DERA: variants seen among roughly 807,000 people sequenced by gnomAD.
The protein encoded by DERA is 2-deoxy-D-ribose 5-phosphate aldolase.
A neutral mutation model predicts 41.1 loss-of-function variants in DERA; 15 were observed. The ratio of observed to expected loss-of-function variants is 0.37; its 90% CI spans 0.24 to 0.56. The LOEUF is 0.56. Ranked by LOEUF, DERA falls within the 20% of genes least tolerant of loss-of-function variation. The probability of loss-of-function intolerance (pLI) is 0.81; values close to 1 mark genes in which losing one functional copy is unlikely to be tolerated. For synonymous variants in DERA, 139 were observed against 137.4 expected, an observed-to-expected ratio of 1.01 and a Z score of -0.08; for missense variants, 396 against 403.4, an observed-to-expected ratio of 0.98 and a Z score of 0.16.
rs1282380151 is a variant in DERA at position 16,011,940 on chromosome 12, T to C, written c.638-20602T>C. ...CTTCTCAGCAATGCCACTGGCTCTC[T>C]AAAAAACAGAGGATAATGTGATAGA... On this transcript the variant is annotated intron_variant, in intron 6 of 8. Transcript: ENST00000428559. This position sits in a 1 kb window ranked among gnomAD's most constrained non-coding sequence, Gnocchi z 4.7. Among the ~76,000 whole-genome samples the C allele has an allele frequency of 6.6e-6, 1 of 152,152 alleles. No individual in the cohort carries two copies. Among genetic ancestry groups the C allele is most frequent in the Non-Finnish European group, 1.5e-5 (1 of 68,034 alleles).
intron 5 of DERA, among the ~76,000 whole-genome samples, chr12:15,975,531 A>C (rs1308281875): frequency 6.6e-6 from 1 of 152,238 alleles, no homozygotes; most frequent in African/African-American, 2.4e-5. Context: ...CTACAAAGGC[A>C]GTCTAGTCCC....
chr12:15,968,386 C>T (rs530821229), intron 5 of DERA, among the ~76,000 whole-genome samples: 10 of 152,256 alleles, frequency 6.6e-5, no homozygotes, highest in Admixed American at 2.0e-4. Context: ...GCTTCCTGTG[C>T]TCTTGAGAAA....
At chr12:15,920,319 CTG>C (rs1415143840) in intron 1 of DERA, among the ~76,000 whole-genome samples, 1 of 152,102 alleles carries the variant, frequency 6.6e-6, no homozygotes, top group African/African-American at 2.4e-5. Flanking sequence ...GGTAAGAAAA[CTG>C]AGACCTAGGG....
At position 15,972,662 on chromosome 12, in the gene DERA, C is replaced by T. The variant is rs4764234; in HGVS notation, c.509-9646C>T. 106,228 of 170,186 alleles carry T rather than the reference C, an allele frequency of 0.62. 33,516 individuals are homozygous for T. Among genetic ancestry groups the T allele is most frequent in the East Asian group, 0.82 (5,594 of 6,840 alleles). 10.5% of individuals were successfully genotyped at this position (170,186 alleles called of 1,614,324 possible). A position where few individuals can be genotyped will look rare whatever the true frequency, so the allele number is the denominator to read the frequency against. On this transcript the variant is annotated intron_variant, in intron 5 of 8. Transcript: ENST00000428559. The surrounding 1 kb of genome is among the most constrained non-coding windows in gnomAD (Gnocchi z 4.4). ...CTCCAGCGTGCACCCAGAGAGGGAA[C>T]GATGTATGTGATGTGAAGCCAAGGT...
Position 16,014,300 on chromosome 12 carries a change from A to T in DERA, c.638-18242A>T, listed in dbSNP as rs891521287. Among the ~76,000 whole-genome samples, 5 of 152,198 alleles carry T rather than the reference A, an allele frequency of 3.3e-5. No homozygotes were observed. Among genetic ancestry groups the T allele is most frequent in the Admixed American group, 3.3e-4 (5 of 15,288 alleles). ...AGAGATCTTCATGGCAGTCTCTCCCATCACAGGCCAGAGGTCTAGAAGGAA... is the reference window on the plus strand; with the variant it reads ...AGAGATCTTCATGGCAGTCTCTCCCTTCACAGGCCAGAGGTCTAGAAGGAA... On this transcript the variant is annotated intron_variant, in intron 6 of 8. Coordinates refer to ENST00000428559, the MANE Select transcript of DERA (RefSeq NM_015954.4). The surrounding 1 kb of genome is among the most constrained non-coding windows in gnomAD (Gnocchi z 5.4).
chr12:15,997,366 GA>G (rs1156595799), intron 6 of DERA, among the ~76,000 whole-genome samples: 1 of 151,996 alleles, frequency 6.6e-6, no homozygotes, highest in Non-Finnish European at 1.5e-5. Flanking sequence ...CCAAATGAAT[GA>G]AAAAAATGAT....
chr12:15,979,608 T>C (rs550228242), intron 5 of DERA, among the ~76,000 whole-genome samples: 1 of 152,330 alleles, frequency 6.6e-6, no homozygotes, highest in South Asian at 2.1e-4. Flanking sequence ...CCTTAAAGAT[T>C]AAGATATTTT....
At chr12:15,997,888 C>T (rs1948849940) in intron 6 of DERA, among the ~76,000 whole-genome samples, 2 of 152,260 alleles carry the variant, frequency 1.3e-5, no homozygotes, top group South Asian at 4.1e-4. Flanking sequence ...AGCAAATAAA[C>T]ATTCGAAAGT....
At position 16,035,801 on chromosome 12, in the gene DERA, T is replaced by G. The variant is rs1219634785; in HGVS notation, c.751-431T>G. ...CTTTGATTTTAAATGCACGTGTCTT[T>G]TGAACCTCAAGATGAAGGCTGAGAA... On this transcript the variant is annotated intron_variant, in intron 7 of 8. Transcript: ENST00000428559. This position sits in a 1 kb window ranked among gnomAD's most constrained non-coding sequence, Gnocchi z 4.1. 6.6e-6 allele frequency among the ~76,000 whole-genome samples: 1 copy of G among 152,214 alleles called. No homozygotes were observed. The highest frequency in any genetic ancestry group is 1.5e-5 in the Non-Finnish European group (1 of 68,042).
chr12:16,036,477 T>G lies in DERA; in HGVS notation c.900+96T>G, dbSNP rs912872512. 5.1e-6 allele frequency: 7 copies of G among 1,375,332 alleles called. No homozygotes were observed. The highest frequency in any genetic ancestry group is 6.0e-6 in the Non-Finnish European group (6 of 1,007,084). 85.2% of individuals were successfully genotyped at this position (1,375,332 alleles called of 1,614,324 possible). A position where few individuals can be genotyped will look rare whatever the true frequency, so the allele number is the denominator to read the frequency against. On this transcript the variant is annotated intron_variant, in intron 8 of 8. Coordinates refer to ENST00000428559, the MANE Select transcript of DERA (RefSeq NM_015954.4). This position sits in a 1 kb window ranked among gnomAD's most constrained non-coding sequence, Gnocchi z 4.9. ...TGAGAACTGGAGATAAAAACTCATC[T>G]GATTGACCTCATCCTACCCAATCCT...
chr12:15,969,685 A>G (rs951844900), intron 5 of DERA, among the ~76,000 whole-genome samples: 3 of 152,220 alleles, frequency 2.0e-5, no homozygotes, highest in African/African-American at 7.2e-5. Context: ...ATTTTCTTAC[A>G]TGAAGAGAAT....
At chr12:15,946,042 G>T in intron 1 of DERA, among the ~76,000 whole-genome samples, 1 of 152,138 alleles carries the variant, frequency 6.6e-6, no homozygotes. Context: ...ATTGATTTGT[G>T]TACGTTGAAC....
At chr12:15,946,164 A>G (rs1207806070) in intron 1 of DERA, among the ~76,000 whole-genome samples, 1 of 152,158 alleles carries the variant, frequency 6.6e-6, no homozygotes, top group Non-Finnish European at 1.5e-5. Flanking sequence ...ATCGATGTTC[A>G]TCAGGGATAT....
At chr12:15,947,593 T>C (rs1364072704) in intron 1 of DERA, among the ~76,000 whole-genome samples, 1 of 152,214 alleles carries the variant, frequency 6.6e-6, no homozygotes, top group Non-Finnish European at 1.5e-5. Context: ...ATTTTCATCC[T>C]ATGTGTGTCT....
chr12:15,939,289 G>A (rs1320959107), intron 1 of DERA, among the ~76,000 whole-genome samples: 3 of 152,150 alleles, frequency 2.0e-5, no homozygotes, highest in African/African-American at 7.2e-5. Context: ...CCACACAAGA[G>A]ATCTAAAGTG....
chr12:16,007,781 T>G (rs761609978), intron 6 of DERA, among the ~76,000 whole-genome samples: 1 of 152,150 alleles, frequency 6.6e-6, no homozygotes, highest in Non-Finnish European at 1.5e-5. Flanking sequence ...CTTCCTTCAT[T>G]TTCTACTATT....
intron 1 of DERA, among the ~76,000 whole-genome samples, chr12:15,944,294 G>A (rs566827803): frequency 6.6e-6 from 1 of 152,288 alleles, no homozygotes; most frequent in South Asian, 2.1e-4. Flanking sequence ...GATCCTTGAG[G>A]AGTCGCCACA....
At chr12:15,997,715 C>T (rs780786395) in intron 6 of DERA, among the ~76,000 whole-genome samples, 40 of 152,202 alleles carry the variant, frequency 2.6e-4, no homozygotes, top group African/African-American at 8.7e-4. Flanking sequence ...GTATATGTAA[C>T]GTTTAGTCTG....
Position 16,035,077 on chromosome 12 carries a change from A to C in DERA, c.751-1155A>C, listed in dbSNP as rs573456955. 1.3e-5 allele frequency among the ~76,000 whole-genome samples: 2 copies of C among 152,268 alleles called. No homozygotes were observed. Among genetic ancestry groups the C allele is most frequent in the East Asian group, 3.9e-4 (2 of 5,182 alleles). Reference sequence around the variant, plus strand: ...GAAACCAGTTAAAAGACTTTTACTGATATTTCCTGTGAGAATTGATAAGGG... The same window carrying C: ...GAAACCAGTTAAAAGACTTTTACTGCTATTTCCTGTGAGAATTGATAAGGG... On this transcript the variant is annotated intron_variant, in intron 7 of 8. Transcript: ENST00000428559. The surrounding 1 kb of genome is among the most constrained non-coding windows in gnomAD (Gnocchi z 4.1).
Sources: gnomAD v4.1 joint callset for allele counts (sites outside exome capture counted in the v4.1 genomes callset) on GRCh38, gnomAD v4.1.1 for gene constraint, Gnocchi (gnomAD v3.1) non-coding constraint, MANE v1.5 for transcripts, NCBI Gene and HGNC (gene_info 2026-07-23, HGNC 2026-07-21) for gene names.